The following NTRK2 variants were observed in gnomAD, a reference collection of about 807,000 sequenced individuals.
NTRK2 encodes the protein neurotrophic receptor tyrosine kinase 2.
In NTRK2, 13 loss-of-function variants were observed where a neutral mutation model predicts 94.5. The ratio of observed to expected loss-of-function variants is 0.14; its 90% CI spans 0.09 to 0.22. The LOEUF (loss-of-function observed/expected upper bound fraction) is 0.22, where lower values mean the gene tolerates loss of function less well. Among genes scored for constraint, NTRK2 ranks in the 10% least tolerant of loss-of-function variants. The pLI is 1.00. For synonymous variants in NTRK2, 372 were observed against 407.4 expected (o/e 0.91, Z 1.05); for missense variants, 639 against 1,071.2 (o/e 0.60, Z 5.63).
At chr9:84,705,474 A>G (rs1292365921) in intron 4 of NTRK2, among the ~76,000 whole-genome samples, 1 of 152,148 alleles carries the variant, frequency 6.6e-6, no homozygotes, top group Non-Finnish European at 1.5e-5. Flanking sequence ...AGTATGGCTC[A>G]TAAAACTCAT....
At chr9:84,870,821 C>G (rs754181709) in intron 14 of NTRK2, among the ~76,000 whole-genome samples, 9 of 152,148 alleles carry the variant, frequency 5.9e-5, no homozygotes, top group Non-Finnish European at 7.4e-5. Flanking sequence ...CCAACAGAGA[C>G]TTGAGCCAAA....
intron 12 of NTRK2, among the ~76,000 whole-genome samples, chr9:84,820,169 CTTT>C (rs902886137): frequency 5.3e-5 from 7 of 132,484 alleles, no homozygotes; most frequent in African/African-American, 5.6e-5. Context: ...TTCTTTCTTT[CTTT>C]TTTTTTTTTT....
At position 84,948,478 on chromosome 9, in the gene NTRK2, G is replaced by A. The variant is rs1402829992; in HGVS notation, c.1781G>A (p.Ser594Asn). ...CATCCCCAGACCCTGAAGGATGCCAGTGACAATGCACGCAAGGACTTCCAC... is the reference window on the plus strand; with the variant it reads ...CATCCCCAGACCCTGAAGGATGCCAATGACAATGCACGCAAGGACTTCCAC... The part of the protein sequence containing the change: ...LVAVKTLKDA[S>N]DNARKDFHRE... Residue 594 changes from serine (S) to asparagine (N), a missense_variant, in exon 16 of 19, where the codon AGT becomes AAT. Physicochemically the swap from Ser to Asn is conservative, Grantham distance 46. Transcript: ENST00000277120. The A allele has an allele frequency of 1.2e-6, 2 of 1,614,160 alleles. No individual in the cohort carries two copies. Among genetic ancestry groups the A allele is most frequent in the Non-Finnish European group, 8.5e-7 (1 of 1,180,034 alleles).
chr9:84,709,961 CTGTGTG>C (rs35954183), intron 5 of NTRK2, among the ~76,000 whole-genome samples: 327 of 115,336 alleles, frequency 2.8e-3, no homozygotes, highest in African/African-American at 9.6e-3. Context: ...ATAGCTTGCT[CTGTGTG>C]TGTGTGTGTG....
At chr9:84,716,589 A>G (rs1290070947) in intron 6 of NTRK2, among the ~76,000 whole-genome samples, 3 of 152,242 alleles carry the variant, frequency 2.0e-5, no homozygotes, top group Admixed American at 2.0e-4. Context: ...TTATTTTCTT[A>G]GCAACTTAGT....
intron 2 of NTRK2, among the ~76,000 whole-genome samples, chr9:84,692,533 C>T (rs536425128): frequency 4.2e-4 from 59 of 140,848 alleles, no homozygotes; most frequent in South Asian, 1.1e-3. Context: ...TCCAATGGCG[C>T]GATTTTGGCT....
rs1324571915 is a variant in NTRK2 at position 84,746,847 on chromosome 9, T to C, written c.1296+1774T>C. Among the ~76,000 whole-genome samples the C allele has an allele frequency of 2.6e-5, 4 of 152,236 alleles. No individual in the cohort carries two copies. In the East Asian group the frequency reaches 7.7e-4, roughly 29 times the overall value. On this transcript the variant is annotated intron_variant, in intron 11 of 18. Transcript: ENST00000277120. ...ATTTTCTTCTGAGCAGTTATCATTG[T>C]CTGGAATGACCCCATTTATTTGTTT...
chr9:84,935,133 G>T (rs1464564017), intron 15 of NTRK2, among the ~76,000 whole-genome samples: 1 of 152,064 alleles, frequency 6.6e-6, no homozygotes, highest in African/African-American at 2.4e-5. Flanking sequence ...AATGAATTAA[G>T]CTCCAAATGA....
intron 6 of NTRK2, among the ~76,000 whole-genome samples, chr9:84,719,864 C>T (rs1054972389): frequency 6.6e-6 from 1 of 151,664 alleles, no homozygotes; most frequent in Non-Finnish European, 1.5e-5. Flanking sequence ...ACCAAAAATA[C>T]AAAAAATTAG....
At chr9:84,924,229 T>TAGAAAGAAAGAAAGAAAGAA (rs774882842) in intron 14 of NTRK2, among the ~76,000 whole-genome samples, 14 of 115,684 alleles carry the variant, frequency 1.2e-4, no homozygotes, top group East Asian at 2.5e-4. Flanking sequence ...AGAAAGAAAG[T>TAGAAAGAAAGAAAGAAAGAA]AGAAAGAAAG....
At chr9:84,838,485 A>G (rs959280159) in intron 12 of NTRK2, among the ~76,000 whole-genome samples, 2 of 152,146 alleles carry the variant, frequency 1.3e-5, no homozygotes, top group Non-Finnish European at 2.9e-5. Flanking sequence ...TATGATCCCA[A>G]ACTTATTTTT....
At chr9:84,936,765 C>A (rs2078225913) in intron 15 of NTRK2, among the ~76,000 whole-genome samples, 1 of 152,168 alleles carries the variant, frequency 6.6e-6, no homozygotes, top group South Asian at 2.1e-4. Flanking sequence ...TCTGTCATCT[C>A]AAATAAGGAG....
chr9:84,878,278 T>A (rs1416905099), intron 14 of NTRK2, among the ~76,000 whole-genome samples: 2 of 152,092 alleles, frequency 1.3e-5, no homozygotes, highest in African/African-American at 2.4e-5. Flanking sequence ...AGGGCTGGGA[T>A]GAGTGTAAGG....
chr9:84,901,194 G>A (rs62563865), intron 14 of NTRK2, among the ~76,000 whole-genome samples: 9 of 63,918 alleles, frequency 1.4e-4, no homozygotes, highest in African/African-American at 3.3e-4. Context: ...GTTTTGTTTT[G>A]TTTTGTTTTG....
intron 14 of NTRK2, chr9:84,877,485 G>A (rs1227204200): frequency 1.4e-5 from 15 of 1,066,222 alleles, no homozygotes; most frequent in Non-Finnish European, 1.7e-5. Context: ...CTACATCTGT[G>A]TATTACTGTG....
At chr9:84,811,795 G>A in intron 12 of NTRK2, 1 of 1,065,636 alleles carries the variant, frequency 9.4e-7, no homozygotes, top group East Asian at 5.0e-5. Context: ...TCCCCCCTGA[G>A]TCTGACCCAT....
chr9:84,889,693 A>G (rs758320969), intron 14 of NTRK2, among the ~76,000 whole-genome samples: 9 of 152,252 alleles, frequency 5.9e-5, no homozygotes, highest in Non-Finnish European at 1.2e-4. Flanking sequence ...GATTACTGGC[A>G]TAAGCCACTG....
At chr9:84,842,195 C>A (rs2074225941) in intron 12 of NTRK2, among the ~76,000 whole-genome samples, 1 of 152,096 alleles carries the variant, frequency 6.6e-6, no homozygotes, top group Admixed American at 6.5e-5. Context: ...GGGTATAGGA[C>A]GTACTTTGGG....
At chr9:84,844,025 T>TA (rs2074331723) in intron 12 of NTRK2, among the ~76,000 whole-genome samples, 1 of 152,004 alleles carries the variant, frequency 6.6e-6, no homozygotes, top group Non-Finnish European at 1.5e-5. Context: ...GTTGCTAGGG[T>TA]GTAAGAGGGG....
Sources: allele counts gnomAD v4.1 joint callset (sites outside exome capture counted in the v4.1 genomes callset), GRCh38; gene constraint gnomAD v4.1.1; transcripts MANE v1.5; gene names NCBI Gene and HGNC (gene_info 2026-07-23, HGNC 2026-07-21).